DYM: variants seen among roughly 807,000 people sequenced by gnomAD.
DYM encodes the protein dyggve-Melchior-Clausen syndrome protein.
In DYM, 78 loss-of-function variants were observed where a neutral mutation model predicts 93.1. The ratio of observed to expected loss-of-function variants is 0.84; its 90% CI spans 0.70 to 1.01. DYM has a LOEUF of 1.01. Ranked by LOEUF, DYM falls within the 50% of genes least tolerant of loss-of-function variation. The pLI, the probability that DYM is intolerant of heterozygous loss-of-function variation, is 0.00. For synonymous variants in DYM, 321 were observed against 319.7 expected (o/e 1.00, Z -0.04); for missense variants, 789 against 845.0 (o/e 0.93, Z 0.82).
At chr18:49,067,604 G>A (rs1460995007) in intron 17 of DYM, among the ~76,000 whole-genome samples, 4 of 152,074 alleles carry the variant, frequency 2.6e-5, no homozygotes, top group Non-Finnish European at 4.4e-5. Context: ...GGCTGGGAGC[G>A]TGCATGCCAT....
At chr18:49,108,921 C>G (rs2081135815) in intron 16 of DYM, among the ~76,000 whole-genome samples, 1 of 152,130 alleles carries the variant, frequency 6.6e-6, no homozygotes, top group Non-Finnish European at 1.5e-5. Flanking sequence ...TGTTACGTCT[C>G]CTTGGTGAAT....
chr18:49,225,584 A>G (rs919500188), intron 13 of DYM, among the ~76,000 whole-genome samples: 5 of 152,150 alleles, frequency 3.3e-5, no homozygotes, highest in Admixed American at 2.6e-4. Context: ...ACATAACAAT[A>G]TTAGCATCTT....
In DYM at chr18:49,423,747, C is replaced by T. The variant is rs1224031661; in HGVS notation, c.140+6508G>A. ...CTGATCCCACAGAAATACAAACTAC[C>T]ATCAGAGAATACTATAAACACCTCT... On this transcript the variant is annotated intron_variant, in intron 2 of 17. Coordinates refer to ENST00000675505, the MANE Select transcript of DYM (RefSeq NM_001353214.3). Among the ~76,000 whole-genome samples the T allele has an allele frequency of 2.0e-5, 3 of 152,102 alleles. No individual in the cohort carries two copies. In the East Asian group the frequency reaches 5.8e-4, roughly 29 times the overall value.
chr18:49,044,597 T>C (rs761083209), intron 17 of DYM, among the ~76,000 whole-genome samples: 2 of 152,238 alleles, frequency 1.3e-5, no homozygotes. Context: ...AGAGGCACTG[T>C]CCTCAGGGTT....
chr18:49,311,317 T>C (rs1568223904), intron 8 of DYM, among the ~76,000 whole-genome samples: 1 of 152,158 alleles, frequency 6.6e-6, no homozygotes, highest in Non-Finnish European at 1.5e-5. Flanking sequence ...ACCAAGAGTA[T>C]AAATAAGAGA....
chr18:49,167,927 G>A lies in DYM; in HGVS notation c.1626-4140C>T, dbSNP rs373264723. Among the ~76,000 whole-genome samples, 39 of 152,200 alleles carry A rather than the reference G, an allele frequency of 2.6e-4. 1 individual carries two copies. The South Asian group carries it at 7.7e-3, about 30-fold the overall frequency. ...GAATGGGTAAATAAACTGTGGGATA[G>A]TTATACAAGGAAATATTATACAGCA... On this transcript the variant is annotated intron_variant, in intron 14 of 17. Transcript: ENST00000675505.
intron 6 of DYM, among the ~76,000 whole-genome samples, chr18:49,355,463 C>T (rs780209898): frequency 7.2e-5 from 11 of 151,918 alleles, no homozygotes; most frequent in Non-Finnish European, 1.6e-4. Context: ...TTGACAGATA[C>T]AATAGATATA....
At chr18:49,409,910 GT>G (rs998304597) in intron 2 of DYM, among the ~76,000 whole-genome samples, 1 of 152,192 alleles carries the variant, frequency 6.6e-6, no homozygotes, top group African/African-American at 2.4e-5. Context: ...CTGATGTTCT[GT>G]GACTTAGGTC....
intron 5 of DYM, among the ~76,000 whole-genome samples, chr18:49,371,901 A>G (rs965274674): frequency 6.6e-6 from 1 of 152,236 alleles, no homozygotes; most frequent in Non-Finnish European, 1.5e-5. Context: ...CTAAGAGCTT[A>G]CTGACAGTCA....
At chr18:49,418,766 G>A (rs1014862780) in intron 2 of DYM, among the ~76,000 whole-genome samples, 1 of 151,974 alleles carries the variant, frequency 6.6e-6, no homozygotes. Context: ...GGTAATTTTG[G>A]CCCCTGACTC....
At chr18:49,347,195 G>A (rs1326848681) in intron 6 of DYM, among the ~76,000 whole-genome samples, 1 of 152,048 alleles carries the variant, frequency 6.6e-6, no homozygotes, top group Non-Finnish European at 1.5e-5. Flanking sequence ...CCCTATATTT[G>A]TGAAAAATTA....
At chr18:49,062,129 G>T (rs1358395135) in intron 17 of DYM, among the ~76,000 whole-genome samples, 1 of 152,190 alleles carries the variant, frequency 6.6e-6, no homozygotes, top group Non-Finnish European at 1.5e-5. Flanking sequence ...AGGCTTGTCA[G>T]AATTATAATT....
chr18:49,423,040 G>A (rs1487331215), intron 2 of DYM, among the ~76,000 whole-genome samples: 1 of 152,168 alleles, frequency 6.6e-6, no homozygotes, highest in East Asian at 1.9e-4. Context: ...TGCACCAAGT[G>A]GACCTAATAG....
chr18:49,131,157 G>A (rs1191551519), intron 15 of DYM, among the ~76,000 whole-genome samples: 2 of 152,068 alleles, frequency 1.3e-5, no homozygotes, highest in African/African-American at 4.8e-5. Flanking sequence ...CAAGAAGGAA[G>A]AAAAAAGGAG....
chr18:49,257,698 AT>A (rs973093379), intron 12 of DYM, among the ~76,000 whole-genome samples: 4 of 151,156 alleles, frequency 2.6e-5, no homozygotes, highest in African/African-American at 9.7e-5. Context: ...AAAAAAAAAA[AT>A]TAGTCAGGTG....
intron 15 of DYM, among the ~76,000 whole-genome samples, chr18:49,143,137 T>C (rs28454904): frequency 0.037 from 5,645 of 152,284 alleles, 315 homozygotes; most frequent in African/African-American, 0.13. Context: ...TAATTATTAA[T>C]ATTCAATCCA....
At chr18:49,162,380 G>C (rs2087265201) in intron 15 of DYM, among the ~76,000 whole-genome samples, 1 of 152,150 alleles carries the variant, frequency 6.6e-6, no homozygotes, top group East Asian at 1.9e-4. Context: ...ACTCTCTGTG[G>C]CATCCCAAGA....
intron 13 of DYM, among the ~76,000 whole-genome samples, chr18:49,243,186 C>T (rs1321612249): frequency 6.6e-6 from 1 of 152,136 alleles, no homozygotes; most frequent in Non-Finnish European, 1.5e-5. Context: ...TCTCCTGGGT[C>T]CCACTTTCAT....
chr18:49,380,968 G>A (rs1322318744), intron 3 of DYM, among the ~76,000 whole-genome samples: 1 of 152,094 alleles, frequency 6.6e-6, no homozygotes, highest in Admixed American at 6.6e-5. Flanking sequence ...TTCTTATGCA[G>A]ATCTGGGAAT....
Sources: allele counts gnomAD v4.1 joint callset (sites outside exome capture counted in the v4.1 genomes callset), GRCh38; gene constraint gnomAD v4.1.1; transcripts MANE v1.5; gene names NCBI Gene and HGNC (gene_info 2026-07-23, HGNC 2026-07-21).